The following MYO5A variants were observed in gnomAD, a reference collection of about 807,000 sequenced individuals.
MYO5A encodes the protein unconventional myosin-Va.
A neutral mutation model predicts 249.7 loss-of-function variants in MYO5A; 98 were observed. The ratio of observed to expected loss-of-function variants is 0.39; its 90% CI spans 0.33 to 0.46. The LOEUF (loss-of-function observed/expected upper bound fraction) is 0.46. MYO5A is among the 20% of genes least tolerant of loss of function. The pLI is 0.98. For missense variants in MYO5A, 1,696 were observed against 2,308.8 expected (o/e 0.73, Z 5.44); for synonymous variants, 778 against 810.6 (o/e 0.96, Z 0.68).
chr15:52,374,051 T>C lies in MYO5A; in HGVS notation c.2577+1253A>G, dbSNP rs115500427. Reference sequence around the variant, plus strand: ...ACCCAAATCACCCCATTAATGCTCCTTCTAATGGTGATGTCCATAGAGCTC... The same window carrying C: ...ACCCAAATCACCCCATTAATGCTCCCTCTAATGGTGATGTCCATAGAGCTC... On this transcript the variant is annotated intron_variant, in intron 20 of 41. Coordinates refer to ENST00000399233, the MANE Select transcript of MYO5A (RefSeq NM_001382347.1). Among the ~76,000 whole-genome samples, 797 of 152,302 alleles carry C rather than the reference T, an allele frequency of 5.2e-3. 9 individuals are homozygous for C. The highest frequency in any genetic ancestry group is 0.018 in the African/African-American group (761 of 41,566).
At chr15:52,452,941 A>G (rs1390635648) in intron 1 of MYO5A, among the ~76,000 whole-genome samples, 1 of 152,132 alleles carries the variant, frequency 6.6e-6, no homozygotes, top group African/African-American at 2.4e-5. Context: ...CTAAAAGACT[A>G]AACCTAAGAA....
intron 12 of MYO5A, among the ~76,000 whole-genome samples, chr15:52,390,136 C>T (rs1317889505): frequency 6.6e-6 from 1 of 152,024 alleles, no homozygotes; most frequent in Non-Finnish European, 1.5e-5. Context: ...TTACCAGAGG[C>T]TAGGAAGGGT....
rs771788285 is a variant in MYO5A, at chr15:52,379,631, C to G, written c.2202G>C (p.Leu734=). The change falls in exon 18 of 42, where the codon CTG becomes CTC. Residue 734 remains leucine, a synonymous_variant. Coordinates refer to ENST00000399233, the MANE Select transcript of MYO5A (RefSeq NM_001382347.1). ...KQTCKNVLEK[L]ILDKDKYQFG... ...TAAGCGAAATCATTCTCACCAGTATCAGTTTCTCTAACACATTCTTGCATG... is the reference window on the plus strand; with the variant it reads ...TAAGCGAAATCATTCTCACCAGTATGAGTTTCTCTAACACATTCTTGCATG... The G allele has an allele frequency of 6.2e-7, 1 of 1,612,974 alleles. No individual in the cohort carries two copies.
chr15:52,438,163 C>T lies in MYO5A; in HGVS notation c.28-4878G>A, dbSNP rs11853635. Reference sequence around the variant, plus strand: ...AACAGGGAAATCTCAACCTGATATGCCACTTCCTACTGCTTTCATCACTTC... The same window carrying T: ...AACAGGGAAATCTCAACCTGATATGTCACTTCCTACTGCTTTCATCACTTC... On this transcript the variant is annotated intron_variant, in intron 1 of 41. Transcript: ENST00000399233. 888 of 477,524 alleles carry T rather than the reference C, an allele frequency of 1.9e-3. 2 individuals carry two copies. The highest frequency in any genetic ancestry group is 2.7e-3 in the Admixed American group (42 of 15,638). 29.6% of individuals were successfully genotyped at this position (477,524 alleles called of 1,614,324 possible).
intron 1 of MYO5A, among the ~76,000 whole-genome samples, chr15:52,484,074 C>T (rs1210073457): frequency 6.6e-6 from 1 of 152,130 alleles, no homozygotes. Context: ...AGCTCTGACA[C>T]ATGATCAAGT....
At chr15:52,424,877 T>G (rs1398218598) in intron 4 of MYO5A, among the ~76,000 whole-genome samples, 1 of 152,352 alleles carries the variant, frequency 6.6e-6, no homozygotes, top group East Asian at 1.9e-4. Flanking sequence ...CTCAAAATGT[T>G]AGGGTTCCAT....
At chr15:52,505,632 T>C in intron 1 of MYO5A, 1 of 1,346,132 alleles carries the variant, frequency 7.4e-7, no homozygotes, top group Non-Finnish European at 1.1e-6. Flanking sequence ...ATGTGAAATC[T>C]TGGGATGATG....
intron 5 of MYO5A, among the ~76,000 whole-genome samples, chr15:52,411,883 A>G (rs1304160154): frequency 6.6e-6 from 1 of 152,222 alleles, no homozygotes; most frequent in East Asian, 1.9e-4. Context: ...TAACATTTTA[A>G]ATGCTTTTCT....
chr15:52,367,425 A>G (rs930405437), intron 22 of MYO5A, among the ~76,000 whole-genome samples: 4 of 152,220 alleles, frequency 2.6e-5, no homozygotes, highest in Admixed American at 6.5e-5. Flanking sequence ...GAATTTCTTG[A>G]AGGATAAGGA....
rs369079731 is a variant in MYO5A, at chr15:52,397,390, T to C, written c.1130A>G (p.His377Arg). ...DYEEMCHWLCHRKLATATETY... is the reference protein window; with the variant it reads ...DYEEMCHWLCRRKLATATETY... Reference sequence around the variant, plus strand: ...CTCTGTGGCAGTAGCCAGTTTCCGATGGCAGAGCCAGTGACACATCTCCTC... The same window carrying C: ...CTCTGTGGCAGTAGCCAGTTTCCGACGGCAGAGCCAGTGACACATCTCCTC... Residue 377 changes from histidine to arginine, a missense_variant, in exon 10 of 42, where the codon CAT (histidine) becomes CGT (arginine). Coordinates refer to ENST00000399233, the MANE Select transcript of MYO5A (RefSeq NM_001382347.1). 31 of 1,614,142 alleles carry C rather than the reference T, an allele frequency of 1.9e-5. No homozygotes were observed. The highest frequency in any genetic ancestry group is 1.5e-4 in the African/African-American group (11 of 75,042).
In MYO5A at chr15:52,360,031, G is replaced by A. The variant is rs191620408; in HGVS notation, c.3360C>T (p.Asn1120=). The A allele has an allele frequency of 3.7e-6, 6 of 1,613,742 alleles. No individual in the cohort carries two copies. The highest frequency in any genetic ancestry group is 5.1e-6 in the Non-Finnish European group (6 of 1,179,798). The change falls in exon 25 of 42, where the codon AAC becomes AAT. Residue 1120 remains asparagine (N), a synonymous_variant. Coordinates refer to ENST00000399233, the MANE Select transcript of MYO5A (RefSeq NM_001382347.1). ...HKRTDSTHSS[N]ESEYIFSSEI... Reference sequence around the variant, plus strand: ...CAGAGCTAAAGATATATTCAGACTCGTTGCTGCTGTGGGTGGAGTCTGTTC... The same window carrying A: ...CAGAGCTAAAGATATATTCAGACTCATTGCTGCTGTGGGTGGAGTCTGTTC...
intron 31 of MYO5A, among the ~76,000 whole-genome samples, chr15:52,340,668 C>T (rs1031095631): frequency 1.3e-5 from 2 of 152,024 alleles, no homozygotes; most frequent in African/African-American, 2.4e-5. Context: ...CATAGGAGGC[C>T]GGGTGTGGTG....
chr15:52,510,199 T>A (rs2077361644), intron 1 of MYO5A, among the ~76,000 whole-genome samples: 1 of 152,196 alleles, frequency 6.6e-6, no homozygotes, highest in African/African-American at 2.4e-5. Context: ...CTACGCAATT[T>A]CAAACTTAGA....
At chr15:52,370,596 A>C (rs2041054490) in intron 21 of MYO5A, among the ~76,000 whole-genome samples, 179 bp from the exon 22 acceptor site, 1 of 152,256 alleles carries the variant, frequency 6.6e-6, no homozygotes, top group African/African-American at 2.4e-5. Flanking sequence ...TGACACAAAC[A>C]GAGAAGAAAA....
chr15:52,510,246 G>C (rs1054707805), intron 1 of MYO5A, among the ~76,000 whole-genome samples: 1 of 152,142 alleles, frequency 6.6e-6, no homozygotes, highest in African/African-American at 2.4e-5. Flanking sequence ...CCATTTTCAA[G>C]CTGGAATCAT....
chr15:52,426,250 T>C (rs1345604986), intron 3 of MYO5A, among the ~76,000 whole-genome samples: 1 of 151,958 alleles, frequency 6.6e-6, no homozygotes, highest in Non-Finnish European at 1.5e-5. Flanking sequence ...TTCATATATT[T>C]AATCCAAAAA....
intron 32 of MYO5A, among the ~76,000 whole-genome samples, chr15:52,339,111 A>G (rs2039260621): frequency 6.6e-6 from 1 of 152,000 alleles, no homozygotes; most frequent in African/African-American, 2.4e-5. Flanking sequence ...CCTCATTCCC[A>G]TGGTGGAGCC....
At chr15:52,496,644 G>T (rs1191750474) in intron 1 of MYO5A, among the ~76,000 whole-genome samples, 2 of 152,220 alleles carry the variant, frequency 1.3e-5, no homozygotes, top group Non-Finnish European at 2.9e-5. Flanking sequence ...CATGAAGGAC[G>T]CAGGCCCTCC....
At chr15:52,513,787 C>T (rs573471891) in intron 1 of MYO5A, among the ~76,000 whole-genome samples, 8 of 152,260 alleles carry the variant, frequency 5.3e-5, no homozygotes, top group South Asian at 2.1e-4. Context: ...TGATTGGGTA[C>T]CACTCAGGGG....
Sources: allele counts gnomAD v4.1 joint callset (sites outside exome capture counted in the v4.1 genomes callset), GRCh38; gene constraint gnomAD v4.1.1; transcripts MANE v1.5; gene names NCBI Gene and HGNC (gene_info 2026-07-23, HGNC 2026-07-21).